Variants in ANKS6 observed in about 807,000 individuals in gnomAD.
ANKS6 encodes the protein ankyrin repeat and sterile alpha motif domain containing 6, also known as ankyrin repeat and SAM domain-containing protein 6.
Under a neutral mutation model 77.9 loss-of-function variants are expected in ANKS6, and 47 were observed. The observed-to-expected ratio is 0.60, with a 90% CI of 0.48 to 0.77. The LOEUF (loss-of-function observed/expected upper bound fraction) is 0.77. ANKS6 is among the 30% of genes least tolerant of loss of function. The pLI is 0.00. For missense variants in ANKS6, 1,150 were observed against 1,159.1 expected (o/e 0.99, Z 0.11); for synonymous variants, 488 against 501.7 (o/e 0.97, Z 0.37).
At chr9:98,793,657 A>C (rs2118196984) in intron 1 of ANKS6, among the ~76,000 whole-genome samples, 1 of 151,772 alleles carries the variant, frequency 6.6e-6, no homozygotes, top group South Asian at 2.1e-4. Context: ...AGTAGCTGGG[A>C]CTACAGGTGC....
At chr9:98,778,992 G>C (rs1264924301) in intron 6 of ANKS6, among the ~76,000 whole-genome samples, 1 of 152,212 alleles carries the variant, frequency 6.6e-6, no homozygotes, top group Non-Finnish European at 1.5e-5. Flanking sequence ...GCCACGAAGG[G>C]CATCTGTGAG....
At chr9:98,764,818 A>T (rs1163842179) in intron 11 of ANKS6, among the ~76,000 whole-genome samples, 1 of 152,222 alleles carries the variant, frequency 6.6e-6, no homozygotes, top group African/African-American at 2.4e-5. Flanking sequence ...AATCACAGTT[A>T]TTTAAAATTC....
chr9:98,758,562 G>GATGTAT (rs1832838643), intron 11 of ANKS6, among the ~76,000 whole-genome samples: 2 of 152,106 alleles, frequency 1.3e-5, no homozygotes, highest in Non-Finnish European at 2.9e-5. Context: ...ACAGAGCAAA[G>GATGTAT]ACATATATAC....
intron 12 of ANKS6, among the ~76,000 whole-genome samples, chr9:98,753,247 T>C (rs578027890): frequency 2.0e-5 from 3 of 152,106 alleles, no homozygotes; most frequent in Non-Finnish European, 4.4e-5. Context: ...AGCCAAGGAG[T>C]ATGGTTCCAA....
chr9:98,732,816 C>G lies in ANKS6; in HGVS notation c.*3703G>C. On this transcript the variant is annotated 3_prime_UTR_variant, in exon 15 of 15. Transcript: ENST00000353234. Reference sequence around the variant, plus strand: ...TTTCCAGGGTAACAGGTTGCTTCTACTCATTTTAAAGGACTAAAAACAGAA... The same window carrying G: ...TTTCCAGGGTAACAGGTTGCTTCTAGTCATTTTAAAGGACTAAAAACAGAA... 1 of 1,297,996 alleles carries G rather than the reference C, an allele frequency of 7.7e-7. No individual in the cohort carries two copies. Among genetic ancestry groups the G allele is most frequent in the South Asian group, 2.0e-5 (1 of 50,410 alleles). 80.4% of individuals were successfully genotyped at this position (1,297,996 alleles called of 1,614,324 possible). A position where few individuals can be genotyped will look rare whatever the true frequency, so the allele number is the denominator to read the frequency against.
In ANKS6 at chr9:98,736,203, A is replaced by G; in HGVS notation, c.*316T>C. 2 of 1,187,662 alleles carry G rather than the reference A, an allele frequency of 1.7e-6. No individual in the cohort carries two copies. The highest frequency in any genetic ancestry group is 2.1e-6 in the Non-Finnish European group (2 of 958,026). 73.6% of individuals were successfully genotyped at this position (1,187,662 alleles called of 1,614,324 possible). A position where few individuals can be genotyped will look rare whatever the true frequency, so the allele number is the denominator to read the frequency against. On this transcript the variant is annotated 3_prime_UTR_variant, in exon 15 of 15. Transcript: ENST00000353234. ...GTCCCTTTCCCTTGCCGCCAGCCAG[A>G]AGCAAACTCTGAGGCTCCCGGGGAG... is the stretch of plus-strand genomic sequence containing the variant.
At chr9:98,784,910 G>A (rs1453157013) in intron 2 of ANKS6, 34 bp from the exon 3 acceptor site, 14 of 1,600,312 alleles carry the variant, frequency 8.7e-6, no homozygotes, top group Middle Eastern at 1.7e-4. Flanking sequence ...GTTAACCACG[G>A]AAAGGTTTAA....
At chr9:98,793,016 T>C (rs935932125) in intron 1 of ANKS6, among the ~76,000 whole-genome samples, 2 of 152,262 alleles carry the variant, frequency 1.3e-5, no homozygotes, top group Non-Finnish European at 2.9e-5. Flanking sequence ...ATGGGCATGC[T>C]AGGGGCTTTC....
rs1204488802 is a variant in ANKS6 at position 98,733,301 on chromosome 9, A to G, written c.*3218T>C. The G allele has an allele frequency of 4.1e-6, 4 of 985,410 alleles. No homozygotes were observed. Among genetic ancestry groups the G allele is most frequent in the African/African-American group, 1.7e-5 (1 of 57,254 alleles). 61.0% of individuals were successfully genotyped at this position (985,410 alleles called of 1,614,324 possible). ...GAGGCAGGAGCCCTCCGTGGCCAGC[A>G]GGGACTTGGACATCCAGCACTCACG... is the stretch of plus-strand genomic sequence containing the variant. On this transcript the variant is annotated 3_prime_UTR_variant, in exon 15 of 15. Transcript: ENST00000353234.
chr9:98,780,097 T>C lies in ANKS6; in HGVS notation c.1368+92A>G, dbSNP rs1326612206. ...CCACCCCTGCAGGGACTCCCTAGCA[T>C]AAACCAGCCTGGGTGCATAGGAGGC... On this transcript the variant is annotated intron_variant, in intron 6 of 14. Transcript: ENST00000353234. 3.2e-6 allele frequency: 5 copies of C among 1,557,126 alleles called. No individual in the cohort carries two copies. In the East Asian group the frequency reaches 9.1e-5, roughly 28 times the overall value.
In ANKS6 at chr9:98,733,157, A is replaced by T; in HGVS notation, c.*3362T>A. 2 of 971,046 alleles carry T rather than the reference A, an allele frequency of 2.1e-6. No homozygotes were observed. Among genetic ancestry groups the T allele is most frequent in the Non-Finnish European group, 2.4e-6 (2 of 816,756 alleles). The allele number at this position is 971,046 out of a possible 1,614,324, so 60.2% of individuals were successfully genotyped here. A position where few individuals can be genotyped will look rare whatever the true frequency, so the allele number is the denominator to read the frequency against. On this transcript the variant is annotated 3_prime_UTR_variant, in exon 15 of 15. Transcript: ENST00000353234. ...TTCATCTTTGGAGACAGAGCGTACG[A>T]GTAGGGCTGGCACAGGGTAGATGCT...
chr9:98,739,311 A>G (rs941764240), intron 14 of ANKS6, among the ~76,000 whole-genome samples: 5 of 152,130 alleles, frequency 3.3e-5, no homozygotes, highest in African/African-American at 1.2e-4. Flanking sequence ...CAACAACAAC[A>G]ACGAATAGAA....
At chr9:98,738,578 A>T (rs1564171040) in intron 14 of ANKS6, among the ~76,000 whole-genome samples, 1 of 151,928 alleles carries the variant, frequency 6.6e-6, no homozygotes, top group African/African-American at 2.4e-5. Context: ...CAAAAAAATA[A>T]AATAAAAAAA....
chr9:98,732,069 C>T lies in ANKS6; in HGVS notation c.*4450G>A, dbSNP rs921613729. 1 of 190,750 alleles carries T rather than the reference C, an allele frequency of 5.2e-6. No individual in the cohort carries two copies. Among genetic ancestry groups the T allele is most frequent in the African/African-American group, 2.3e-5 (1 of 42,818 alleles). 11.8% of individuals were successfully genotyped at this position (190,750 alleles called of 1,614,324 possible). A position where few individuals can be genotyped will look rare whatever the true frequency, so the allele number is the denominator to read the frequency against. On this transcript the variant is annotated 3_prime_UTR_variant, in exon 15 of 15. Transcript: ENST00000353234. Reference sequence around the variant, plus strand: ...ACATCAGGTCTCTTTACACGTTGAACAGGAACTGCTGGTTAACAAGACACG... The same window carrying T: ...ACATCAGGTCTCTTTACACGTTGAATAGGAACTGCTGGTTAACAAGACACG...
intron 8 of ANKS6, among the ~76,000 whole-genome samples, chr9:98,776,501 A>G (rs1833926919): frequency 6.6e-6 from 1 of 151,668 alleles, no homozygotes; most frequent in Non-Finnish European, 1.5e-5. Flanking sequence ...CCCGGGTTCA[A>G]GCAATTCTCC....
In ANKS6 at chr9:98,790,195, C is replaced by A; in HGVS notation, c.771G>T (p.Leu257=). 1 of 1,604,248 alleles carries A rather than the reference C, an allele frequency of 6.2e-7. No homozygotes were observed. The highest frequency in any genetic ancestry group is 8.5e-7 in the Non-Finnish European group (1 of 1,172,056). The change falls in exon 2 of 15, where the codon CTG becomes CTT. Residue 257 remains leucine (L), a synonymous_variant. Coordinates refer to ENST00000353234, the MANE Select transcript of ANKS6 (RefSeq NM_173551.5). ...KGANPDHLSV[L]EKTAFEVALD... is the part of the protein sequence containing the mutation. The stretch of plus-strand genomic sequence containing the variant: ...GTGCAACCTCGAAGGCGGTCTTCTC[C>A]AGCACGCTGAGGTGGTCAGGGTTGG...
Position 98,778,376 on chromosome 9 carries a change from G to A in ANKS6, c.1417C>T (p.Gln473Ter), listed in dbSNP as rs750753647. ...CTGGACAGCCCACGGGGCAGCGTCTGCATCAGTTTGAGCTTTCGGAACCGA... is the reference window on the plus strand; with the variant it reads ...CTGGACAGCCCACGGGGCAGCGTCTACATCAGTTTGAGCTTTCGGAACCGA... ...SNRFRKLKLM[Q>*]TLPRGLSSNQ... Residue 473 changes from glutamine (Q) to a stop codon, truncating the protein, a stop_gained, in exon 7 of 15, where the codon CAG becomes TAG. Transcript: ENST00000353234. LOFTEE classifies it high-confidence loss of function. 1.2e-6 allele frequency: 2 copies of A among 1,614,054 alleles called. No individual in the cohort carries two copies. The highest frequency in any genetic ancestry group is 1.7e-5 in the Admixed American group (1 of 60,006).
At chr9:98,777,347 T>A in intron 8 of ANKS6, 58 bp downstream of exon 8, 1 of 1,553,042 alleles carries the variant, frequency 6.4e-7, no homozygotes, top group Non-Finnish European at 8.9e-7. Context: ...TCCTTGTAAA[T>A]CAATCAACTG....
At chr9:98,794,534 A>C (rs1835074351) in intron 1 of ANKS6, among the ~76,000 whole-genome samples, 2 of 152,212 alleles carry the variant, frequency 1.3e-5, no homozygotes, top group African/African-American at 4.8e-5. Flanking sequence ...AACTCAACAC[A>C]GGCAGAGATG....
Sources: allele counts gnomAD v4.1 joint callset (sites outside exome capture counted in the v4.1 genomes callset), GRCh38; gene constraint gnomAD v4.1.1; transcripts MANE v1.5; gene names NCBI Gene and HGNC (gene_info 2026-07-23, HGNC 2026-07-21).